NTF3: variants seen among roughly 807,000 people sequenced by gnomAD.
NTF3 encodes the protein neurotrophin 3, also known as neurotrophin-3.
In NTF3, 8 loss-of-function variants were observed where a neutral mutation model predicts 26.3. The ratio of observed to expected loss-of-function variants is 0.30; its 90% CI spans 0.18 to 0.55. The LOEUF is 0.55. Among genes scored for constraint, NTF3 ranks in the 20% least tolerant of loss-of-function variants. The probability of loss-of-function intolerance (pLI) is 0.93; values close to 1 mark genes in which losing one functional copy is unlikely to be tolerated. For missense variants in NTF3, 276 were observed against 352.9 expected, an observed-to-expected ratio of 0.78 and a Z score of 1.75; for synonymous variants, 154 against 145.5, an observed-to-expected ratio of 1.06 and a Z score of -0.42.
chr12:5,437,255 A>C (rs780560844), intron 1 of NTF3, among the ~76,000 whole-genome samples: 10 of 152,190 alleles, frequency 6.6e-5, no homozygotes, highest in Admixed American at 3.3e-4. Context: ...TCAGGAGCTA[A>C]GCTATTTCCA....
chr12:5,491,739 AAT>A (rs1940940181), intron 1 of NTF3, among the ~76,000 whole-genome samples: 1 of 40,614 alleles, frequency 2.5e-5, no homozygotes, highest in African/African-American at 9.0e-5. Context: ...TTTTTTTTTG[AAT>A]TGGAGTCTTG....
At chr12:5,474,564 G>A (rs968580000) in intron 1 of NTF3, among the ~76,000 whole-genome samples, 4 of 152,198 alleles carry the variant, frequency 2.6e-5, no homozygotes, top group Admixed American at 1.3e-4. Flanking sequence ...CCAGGAGCCA[G>A]ACGATGAAGG....
chr12:5,474,350 G>A (rs1055724477), intron 1 of NTF3, among the ~76,000 whole-genome samples: 14 of 152,228 alleles, frequency 9.2e-5, no homozygotes, highest in African/African-American at 3.4e-4. Flanking sequence ...GAGACGTGAT[G>A]TATGAGCAGG....
intron 1 of NTF3, among the ~76,000 whole-genome samples, chr12:5,449,176 T>C (rs1044416954): frequency 6.6e-6 from 1 of 152,176 alleles, no homozygotes; most frequent in African/African-American, 2.4e-5. Flanking sequence ...GGGATAGGGA[T>C]AGCACAGACA....
In NTF3 at chr12:5,435,559, A is replaced by C. The variant is rs188908105; in HGVS notation, c.18+3217A>C. ...TTTTGTGTATTGGGAAGGGAGCTGG[A>C]CGGTGTTGTTGTTTCTTGTGTGGGG... is the stretch of plus-strand genomic sequence containing the variant. On this transcript the variant is annotated intron_variant, in intron 1 of 1. Coordinates refer to ENST00000423158, the MANE Select transcript of NTF3 (RefSeq NM_001102654.2). 3.8e-3 allele frequency among the ~76,000 whole-genome samples: 571 copies of C among 152,106 alleles called. 3 individuals carry two copies. Among genetic ancestry groups the C allele is most frequent in the African/African-American group, 0.013 (533 of 41,422 alleles).
intron 1 of NTF3, among the ~76,000 whole-genome samples, chr12:5,467,482 A>G (rs1350563308): frequency 1.3e-5 from 2 of 152,182 alleles, no homozygotes; most frequent in African/African-American, 2.4e-5. Flanking sequence ...CCCATATCTA[A>G]CTTACCTGTT....
At chr12:5,468,265 A>T (rs1267172067) in intron 1 of NTF3, among the ~76,000 whole-genome samples, 1 of 152,146 alleles carries the variant, frequency 6.6e-6, no homozygotes, top group Admixed American at 6.5e-5. Flanking sequence ...ATTGAAAGAG[A>T]GAGATGTTTT....
At position 5,432,556 on chromosome 12, in the gene NTF3, TACACACACACACACACAC is replaced by T. The variant is rs57075143; in HGVS notation, c.18+248_18+265del. ...CGAAGCGCAACCGCAGCCACCCCGC[TACACACACACACACACAC>T]ACACACACACACACACACACACACA... is the stretch of plus-strand genomic sequence containing the variant. On this transcript the variant is annotated intron_variant, in intron 1 of 1. Coordinates refer to ENST00000423158, the MANE Select transcript of NTF3 (RefSeq NM_001102654.2). Among the ~76,000 whole-genome samples the T allele has an allele frequency of 4.8e-3, 597 of 124,072 alleles. 6 individuals are homozygous for T. Among genetic ancestry groups the T allele is most frequent in the Non-Finnish European group, 4.9e-3 (294 of 59,574 alleles). 81.4% of individuals were successfully genotyped at this position (124,072 alleles called of 152,430 possible).
At chr12:5,455,221 C>A (rs1940423348) in intron 1 of NTF3, among the ~76,000 whole-genome samples, 1 of 152,238 alleles carries the variant, frequency 6.6e-6, no homozygotes, top group South Asian at 2.1e-4. Flanking sequence ...CACTGCTCCC[C>A]TCCCAGCTCC....
chr12:5,470,801 G>A (rs1321189397), intron 1 of NTF3, among the ~76,000 whole-genome samples: 4 of 152,250 alleles, frequency 2.6e-5, no homozygotes, highest in Non-Finnish European at 4.4e-5. Flanking sequence ...TCAAATGCAT[G>A]TGTGGAACAT....
chr12:5,465,174 C>G (rs544213282), intron 1 of NTF3, among the ~76,000 whole-genome samples: 1 of 152,316 alleles, frequency 6.6e-6, no homozygotes, highest in African/African-American at 2.4e-5. Flanking sequence ...GAGAAGCATC[C>G]TCCTCCCCAG....
intron 1 of NTF3, among the ~76,000 whole-genome samples, chr12:5,459,028 G>A (rs940618430): frequency 4.6e-5 from 7 of 152,172 alleles, no homozygotes; most frequent in East Asian, 1.9e-4. Flanking sequence ...ACTGGGGGCC[G>A]GGCAGGTTTG....
chr12:5,431,900 T>G (rs898430470), upstream of NTF3, among the ~76,000 whole-genome samples: 3 of 151,216 alleles, frequency 2.0e-5, no homozygotes, highest in South Asian at 2.1e-4. Flanking sequence ...GGTTTGGTTT[T>G]GTTTTTCAAG....
chr12:5,461,879 A>T (rs1255965169), intron 1 of NTF3, among the ~76,000 whole-genome samples: 1 of 152,212 alleles, frequency 6.6e-6, no homozygotes, highest in East Asian at 1.9e-4. Flanking sequence ...ATAGCTATTT[A>T]AAAAGAAATA....
intron 1 of NTF3, among the ~76,000 whole-genome samples, chr12:5,475,922 AAGAG>A (rs1380675260): frequency 6.6e-6 from 1 of 151,562 alleles, no homozygotes; most frequent in African/African-American, 2.4e-5. Context: ...GAAAGAGAGA[AAGAG>A]AGAAAAAGAA....
chr12:5,437,839 T>C (rs891386525), intron 1 of NTF3, among the ~76,000 whole-genome samples: 5 of 152,200 alleles, frequency 3.3e-5, no homozygotes, highest in Admixed American at 6.5e-5. Context: ...ACTTTGTGCA[T>C]GGACAGGCAT....
intron 1 of NTF3, among the ~76,000 whole-genome samples, chr12:5,446,687 A>C (rs1940310301): frequency 6.6e-6 from 1 of 152,210 alleles, no homozygotes; most frequent in South Asian, 2.1e-4. Context: ...TGTAGAGTGG[A>C]CCATATGGAA....
rs913229498 is a variant in NTF3 at position 5,491,813 on chromosome 12, G to A, written c.19-2381G>A. On this transcript the variant is annotated intron_variant, in intron 1 of 1. Coordinates refer to ENST00000423158, the MANE Select transcript of NTF3 (RefSeq NM_001102654.2). ...TGGCTCACTGTAAGCTCCGCCTCCC[G>A]GGTTCACACCATTCTCCTGCCTCAG... Among the ~76,000 whole-genome samples the A allele has an allele frequency of 1.0e-4, 15 of 145,262 alleles. No homozygotes were observed. In the East Asian group the frequency reaches 1.3e-3, roughly 12 times the overall value.
At chr12:5,437,960 G>A (rs1262116452) in intron 1 of NTF3, among the ~76,000 whole-genome samples, 1 of 152,156 alleles carries the variant, frequency 6.6e-6, no homozygotes, top group Admixed American at 6.5e-5. Flanking sequence ...TGTTATGGGT[G>A]GCAGGTATCT....
Sources: gnomAD v4.1 joint callset for allele counts (sites outside exome capture counted in the v4.1 genomes callset) on GRCh38, gnomAD v4.1.1 for gene constraint, MANE v1.5 for transcripts, NCBI Gene and HGNC (gene_info 2026-07-23, HGNC 2026-07-21) for gene names.